The following NCKAP1 variants were observed in gnomAD, a reference collection of about 807,000 sequenced individuals.
NCKAP1 encodes the protein NCK associated protein 1.
Under a neutral mutation model 151.2 loss-of-function variants are expected in NCKAP1, and 21 were observed. The ratio of observed to expected loss-of-function variants is 0.14; its 90% CI spans 0.10 to 0.20. The LOEUF (loss-of-function observed/expected upper bound fraction) is 0.20, where lower values mean the gene tolerates loss of function less well. Among genes scored for constraint, NCKAP1 ranks in the 10% least tolerant of loss-of-function variants. The probability of loss-of-function intolerance (pLI) is 1.00; values close to 1 mark genes in which losing one functional copy is unlikely to be tolerated. For missense variants in NCKAP1, 933 were observed against 1,352.1 expected (o/e 0.69, Z 4.86); for synonymous variants, 484 against 451.8 (o/e 1.07, Z -0.90).
intron 23 of NCKAP1, among the ~76,000 whole-genome samples, chr2:182,951,643 A>AC (rs1697218797): frequency 6.6e-6 from 1 of 150,970 alleles, no homozygotes; most frequent in South Asian, 2.1e-4. Context: ...TCTCAAAAAA[A>AC]AAAAAAAAAC....
chr2:182,934,086 C>T (rs1696821730), intron 26 of NCKAP1, among the ~76,000 whole-genome samples: 1 of 152,004 alleles, frequency 6.6e-6, no homozygotes, highest in Non-Finnish European at 1.5e-5. Context: ...TAACATCTAT[C>T]TTAAACTTAT....
chr2:183,009,477 A>AGCAG (rs1371811718), intron 2 of NCKAP1, among the ~76,000 whole-genome samples: 8 of 123,084 alleles, frequency 6.5e-5, no homozygotes, highest in Admixed American at 2.4e-4. Flanking sequence ...GAAGGAAGGA[A>AGCAG]GCAAGCAAGC....
chr2:182,985,662 A>C (rs1457156336), intron 10 of NCKAP1, among the ~76,000 whole-genome samples: 2 of 151,868 alleles, frequency 1.3e-5, no homozygotes, highest in African/African-American at 4.8e-5. Context: ...ATTAGCTGGG[A>C]ATGTACGGCG....
At chr2:182,974,995 T>A (rs916877209) in intron 15 of NCKAP1, among the ~76,000 whole-genome samples, 1 of 152,208 alleles carries the variant, frequency 6.6e-6, no homozygotes, top group South Asian at 2.1e-4. Context: ...AATGTAAGGG[T>A]GCATCTGAAA....
intron 2 of NCKAP1, among the ~76,000 whole-genome samples, chr2:183,006,402 A>G (rs908707813): frequency 6.6e-5 from 10 of 152,202 alleles, no homozygotes; most frequent in African/African-American, 2.2e-4. Flanking sequence ...TAAATATAAT[A>G]AAACTTTAAT....
Position 183,028,850 on chromosome 2 carries a change from A to G in NCKAP1, c.109-4934T>C, listed in dbSNP as rs1034255811. ...AATTCTAGGCTGGGCTCAGTGGCTC[A>G]CGCCTGTAATCCCAGCACTTTGGGA... On this transcript the variant is annotated intron_variant, in intron 1 of 30. Transcript: ENST00000361354. 5.3e-5 allele frequency among the ~76,000 whole-genome samples: 8 copies of G among 152,218 alleles called. 1 individual carries two copies. The highest frequency in any genetic ancestry group is 1.9e-4 in the African/African-American group (8 of 41,524).
chr2:182,938,616 T>C (rs1172237463), intron 24 of NCKAP1, among the ~76,000 whole-genome samples: 2 of 151,978 alleles, frequency 1.3e-5, no homozygotes, highest in African/African-American at 2.4e-5. Flanking sequence ...GGTGGTAAGA[T>C]GAAAAAGAGG....
At chr2:182,947,320 T>C (rs540349370) in intron 23 of NCKAP1, among the ~76,000 whole-genome samples, 127 of 152,306 alleles carry the variant, frequency 8.3e-4, no homozygotes, top group African/African-American at 2.7e-3. Flanking sequence ...ACAGTGTCTA[T>C]GTAAAGAGGG....
At position 182,930,634 on chromosome 2, in the gene NCKAP1, A is replaced by T. The variant is rs74782120; in HGVS notation, c.2953+61T>A. 2,561 of 1,290,210 alleles carry T rather than the reference A, an allele frequency of 2.0e-3. 46 individuals carry two copies. In the African/African-American group the frequency reaches 0.034, roughly 17 times the overall value. 79.9% of individuals were successfully genotyped at this position (1,290,210 alleles called of 1,614,324 possible). ...GAATATATGGTTAAATATCATACCT[A>T]TACCTATGCTGCCCTGGTAACTTTA... On this transcript the variant is annotated intron_variant, in intron 27 of 30. Coordinates refer to ENST00000361354, the MANE Select transcript of NCKAP1 (RefSeq NM_013436.5).
At chr2:183,016,478 T>C (rs1408759536) in intron 2 of NCKAP1, among the ~76,000 whole-genome samples, 2 of 152,264 alleles carry the variant, frequency 1.3e-5, no homozygotes, top group Non-Finnish European at 2.9e-5. Context: ...TTTCAGTTAA[T>C]TCTCATTGTA....
intron 26 of NCKAP1, among the ~76,000 whole-genome samples, chr2:182,931,550 G>A (rs1374519597): frequency 6.6e-6 from 1 of 151,946 alleles, no homozygotes; most frequent in Non-Finnish European, 1.5e-5. Flanking sequence ...CTAAATGTAA[G>A]AGCTAAAACT....
intron 1 of NCKAP1, among the ~76,000 whole-genome samples, chr2:183,028,562 G>A (rs530432793): frequency 6.6e-6 from 1 of 152,124 alleles, no homozygotes; most frequent in South Asian, 2.1e-4. Flanking sequence ...GTGCATAATA[G>A]CCTATATGAC....
At chr2:183,036,548 G>T (rs1699105500) in intron 1 of NCKAP1, among the ~76,000 whole-genome samples, 1 of 151,992 alleles carries the variant, frequency 6.6e-6, no homozygotes, top group Non-Finnish European at 1.5e-5. Context: ...TATAACCTAG[G>T]CTCCTTGGTA....
chr2:182,938,884 T>C (rs1340031469), intron 24 of NCKAP1, among the ~76,000 whole-genome samples: 6 of 152,152 alleles, frequency 3.9e-5, no homozygotes, highest in Admixed American at 6.5e-5. Flanking sequence ...AGGAGTTCAA[T>C]AGGTGTAAAG....
At chr2:182,939,127 T>C (rs4381749) in intron 24 of NCKAP1, among the ~76,000 whole-genome samples, 143,099 of 152,232 alleles carry the variant, frequency 0.94, 67,424 homozygotes, top group East Asian at 0.99. Flanking sequence ...AGTCTGGAAT[T>C]AGGGAGTCAG....
intron 27 of NCKAP1, among the ~76,000 whole-genome samples, chr2:182,929,260 T>TATTCTATA (rs1284183124): frequency 1.3e-5 from 2 of 152,012 alleles, no homozygotes; most frequent in East Asian, 3.8e-4. Context: ...ATTATTACTT[T>TATTCTATA]ATGAGACAGT....
chr2:183,024,883 G>C (rs966208224), intron 1 of NCKAP1: 1 of 1,372,686 alleles, frequency 7.3e-7, no homozygotes, highest in African/African-American at 1.4e-5. Flanking sequence ...GTTTACTATG[G>C]CTATGTTGTG....
chr2:182,943,435 G>C (rs1362494908), intron 23 of NCKAP1, among the ~76,000 whole-genome samples: 2 of 151,944 alleles, frequency 1.3e-5, no homozygotes, highest in Non-Finnish European at 2.9e-5. Flanking sequence ...ACATTTATTT[G>C]CTGAATTTAA....
chr2:182,933,062 A>G (rs1314164629), intron 26 of NCKAP1, among the ~76,000 whole-genome samples: 1 of 152,202 alleles, frequency 6.6e-6, no homozygotes, highest in African/African-American at 2.4e-5. Context: ...ATTATATTCA[A>G]CTCCACAGGA....
Sources: gnomAD v4.1 joint callset for allele counts (sites outside exome capture counted in the v4.1 genomes callset) on GRCh38, gnomAD v4.1.1 for gene constraint, MANE v1.5 for transcripts, NCBI Gene and HGNC (gene_info 2026-07-23, HGNC 2026-07-21) for gene names.